The following OLFML1 variants were observed in gnomAD, a reference collection of about 807,000 sequenced individuals.
OLFML1 encodes olfactomedin like 1.
OLFML1 carries 33 observed loss-of-function variants against 37.3 expected under a neutral mutation model. That is an observed-to-expected ratio of 0.88 (90% CI 0.67 to 1.18). The LOEUF (loss-of-function observed/expected upper bound fraction) is 1.18, where lower values mean the gene tolerates loss of function less well. OLFML1 is among the 50% of genes most tolerant of loss of function. The probability of loss-of-function intolerance (pLI) is 0.00; values close to 1 mark genes in which losing one functional copy is unlikely to be tolerated. For missense variants in OLFML1, 545 were observed against 483.7 expected (o/e 1.13, Z -1.19); for synonymous variants, 186 against 181.3 (o/e 1.03, Z -0.21).
Position 7,485,809 on chromosome 11 carries a change from G to C in OLFML1, c.-67G>C. 1 of 1,540,398 alleles carries C rather than the reference G, an allele frequency of 6.5e-7. No homozygotes were observed. On this transcript the variant is annotated 5_prime_UTR_variant, in exon 1 of 3. Transcript: ENST00000329293. Reference sequence around the variant, plus strand: ...GCGGATAGAGCAGGAGAGCACCACCGGAGCCCTTGAGACATCCTTGAGAAG... The same window carrying C: ...GCGGATAGAGCAGGAGAGCACCACCCGAGCCCTTGAGACATCCTTGAGAAG...
chr11:7,487,605 C>T (rs1848540027), intron 1 of OLFML1, among the ~76,000 whole-genome samples: 2 of 152,104 alleles, frequency 1.3e-5, no homozygotes, highest in African/African-American at 4.8e-5. Flanking sequence ...GGAAATCTAC[C>T]TTAAAATAAT....
In OLFML1 at chr11:7,493,624, G is replaced by A. The variant is rs74776051; in HGVS notation, c.418+5209G>A. 5.3e-3 allele frequency among the ~76,000 whole-genome samples: 809 copies of A among 152,294 alleles called. 3 individuals carry two copies. Among genetic ancestry groups the A allele is most frequent in the Non-Finnish European group, 6.9e-3 (469 of 68,026 alleles). On this transcript the variant is annotated intron_variant, in intron 2 of 2. Coordinates refer to ENST00000329293, the MANE Select transcript of OLFML1 (RefSeq NM_198474.4). ...TACAGCTTAACCTGTGCTTTCCCTT[G>A]GAAAGGTAATACCCATGGGTCACTG...
intron 2 of OLFML1, chr11:7,488,633 A>T (rs951523055): frequency 5.0e-6 from 2 of 399,136 alleles, no homozygotes; most frequent in Non-Finnish European, 9.1e-6. Context: ...CAGTGCCTAA[A>T]GCCTCCATAG....
At chr11:7,490,689 G>T (rs911926709) in intron 2 of OLFML1, among the ~76,000 whole-genome samples, 1 of 152,152 alleles carries the variant, frequency 6.6e-6, no homozygotes, top group Non-Finnish European at 1.5e-5. Context: ...ATCCATGTCT[G>T]TTGCCTCTGG....
chr11:7,500,532 T>G (rs1365964580), intron 2 of OLFML1, among the ~76,000 whole-genome samples: 1 of 152,174 alleles, frequency 6.6e-6, no homozygotes, highest in Non-Finnish European at 1.5e-5. Flanking sequence ...TCCCCACGCT[T>G]TATGGCTGTG....
chr11:7,495,710 G>A (rs555443805), intron 2 of OLFML1, among the ~76,000 whole-genome samples: 3 of 152,188 alleles, frequency 2.0e-5, no homozygotes, highest in Non-Finnish European at 4.4e-5. Context: ...ATTTGAAAAT[G>A]GAGGGAACTA....
At chr11:7,493,827 C>G (rs1016104048) in intron 2 of OLFML1, among the ~76,000 whole-genome samples, 1 of 152,242 alleles carries the variant, frequency 6.6e-6, no homozygotes, top group East Asian at 1.9e-4. Flanking sequence ...ATTTATTCAA[C>G]AAATGTCCAA....
chr11:7,508,149 T>G (rs1848807873), intron 2 of OLFML1, among the ~76,000 whole-genome samples: 1 of 152,122 alleles, frequency 6.6e-6, no homozygotes, highest in Admixed American at 6.5e-5. Context: ...ATCATAAAGG[T>G]CTTCATCCGC....
chr11:7,506,049 T>C (rs545182837), intron 2 of OLFML1, among the ~76,000 whole-genome samples: 2 of 152,306 alleles, frequency 1.3e-5, no homozygotes, highest in South Asian at 4.1e-4. Context: ...TATGGAGTTA[T>C]GGTGAAGTAA....
chr11:7,498,461 T>G (rs1848687466), intron 2 of OLFML1, among the ~76,000 whole-genome samples: 1 of 152,222 alleles, frequency 6.6e-6, no homozygotes, highest in Non-Finnish European at 1.5e-5. Flanking sequence ...TATCGGAAAC[T>G]TATTCCATGG....
chr11:7,493,510 G>A (rs757661733), intron 2 of OLFML1, among the ~76,000 whole-genome samples: 15 of 152,118 alleles, frequency 9.9e-5, no homozygotes, highest in Non-Finnish European at 1.5e-4. Flanking sequence ...AAGTACAGGT[G>A]TGTGTGTGCA....
rs1848548292 is a variant in OLFML1 at position 7,488,176 on chromosome 11, TC to T, written c.181del (p.Gln61LysfsTer30). ...GCAACGAGGGCATACATTCAAGAAT[TC>T]CAAGAGTTCTCAAAAAATATATCTG... The part of the protein sequence containing the change: ...TQATRAYIQE[F>X]QEFSKNISVM... On this transcript the variant is annotated frameshift_variant, in exon 2 of 3. Transcript: ENST00000329293. LOFTEE classifies it high-confidence loss of function. 1 of 1,613,624 alleles carries T rather than the reference TC, an allele frequency of 6.2e-7. No individual in the cohort carries two copies. Among genetic ancestry groups the T allele is most frequent in the Admixed American group, 1.7e-5 (1 of 59,966 alleles).
chr11:7,498,389 TAG>T lies in OLFML1; in HGVS notation c.418+9975_418+9976del, dbSNP rs766390351. Among the ~76,000 whole-genome samples, 10 of 152,234 alleles carry T rather than the reference TAG, an allele frequency of 6.6e-5. No individual in the cohort carries two copies. The South Asian group carries it at 2.1e-3, about 32-fold the overall frequency. ...CATGGCAGGTTTGGTGACTAGTGAC[TAG>T]TGTGATGAGGAAGCGACAAGAGAGG... On this transcript the variant is annotated intron_variant, in intron 2 of 2. Coordinates refer to ENST00000329293, the MANE Select transcript of OLFML1 (RefSeq NM_198474.4).
At chr11:7,488,437 C>T (rs1355133818) in intron 2 of OLFML1, 22 bp downstream of exon 2, 2 of 1,580,646 alleles carry the variant, frequency 1.3e-6, no homozygotes, top group South Asian at 2.3e-5. Context: ...GCATCTTTTC[C>T]TAGCCCTTCT....
At chr11:7,502,563 T>G (rs1045573852) in intron 2 of OLFML1, among the ~76,000 whole-genome samples, 3 of 152,156 alleles carry the variant, frequency 2.0e-5, no homozygotes, top group African/African-American at 7.2e-5. Flanking sequence ...GAGATGTATA[T>G]TTGAGCATTT....
At chr11:7,496,632 C>A (rs1189131979) in intron 2 of OLFML1, among the ~76,000 whole-genome samples, 1 of 152,034 alleles carries the variant, frequency 6.6e-6, no homozygotes, top group Non-Finnish European at 1.5e-5. Flanking sequence ...TCTAACTATA[C>A]ACAGGCAAAT....
At chr11:7,487,013 G>A (rs1564918503) in intron 1 of OLFML1, among the ~76,000 whole-genome samples, 2 of 152,190 alleles carry the variant, frequency 1.3e-5, no homozygotes, top group Non-Finnish European at 1.5e-5. Context: ...AGAAGTGCCA[G>A]AATGATGCTC....
intron 2 of OLFML1, among the ~76,000 whole-genome samples, chr11:7,507,176 T>C (rs370990972): frequency 2.0e-5 from 3 of 152,238 alleles, no homozygotes; most frequent in African/African-American, 7.2e-5. Context: ...AATAGTAGCC[T>C]GAAGTGGCAC....
At chr11:7,506,302 T>C (rs1212153951) in intron 2 of OLFML1, among the ~76,000 whole-genome samples, 2 of 152,096 alleles carry the variant, frequency 1.3e-5, no homozygotes, top group Non-Finnish European at 2.9e-5. Context: ...CAGGAAAGGA[T>C]GAGATCACAG....
Sources: gnomAD v4.1 joint callset for allele counts (sites outside exome capture counted in the v4.1 genomes callset) on GRCh38, gnomAD v4.1.1 for gene constraint, MANE v1.5 for transcripts, NCBI Gene and HGNC (gene_info 2026-07-23, HGNC 2026-07-21) for gene names.